Variants in ZNF469 observed in about 807,000 individuals in gnomAD.
The protein encoded by ZNF469 is zinc finger protein 469.
ZNF469 carries 1 observed loss-of-function variant against 1.0 expected under a neutral mutation model. That is an observed-to-expected ratio of 1.00 (90% CI 0.35 to 4.73). The LOEUF (loss-of-function observed/expected upper bound fraction) is 4.73. Among genes scored for constraint, ZNF469 ranks in the 30% most tolerant of loss-of-function variants. The probability of loss-of-function intolerance (pLI) is 0.16; values close to 1 mark genes in which losing one functional copy is unlikely to be tolerated. For synonymous variants in ZNF469, 2,703 were observed against 2,363.4 expected (o/e 1.14, Z -4.17); for missense variants, 6,100 against 5,356.3 (o/e 1.14, Z -4.33).
the ZNF469 span, among the ~76,000 whole-genome samples, chr16:88,228,887 CG>C: frequency 6.6e-6 from 1 of 152,226 alleles, no homozygotes; most frequent in Non-Finnish European, 1.5e-5. Flanking sequence ...TCTGGGTGGA[CG>C]GGGTCTGGTG....
the ZNF469 span, among the ~76,000 whole-genome samples, chr16:88,131,463 GCTTTCCCTTCC>G: frequency 8.8e-6 from 1 of 113,702 alleles, no homozygotes; most frequent in Admixed American, 9.0e-5. Context: ...GAACCTCTCG[GCTTTCCCTTCC>G]CGTGGCCTGT....
chr16:88,200,151 G>C, the ZNF469 span, among the ~76,000 whole-genome samples: 1 of 152,146 alleles, frequency 6.6e-6, no homozygotes, highest in Non-Finnish European at 1.5e-5. Context: ...AGTGGGGTGT[G>C]TGTCAGCAGC....
the ZNF469 span, among the ~76,000 whole-genome samples, chr16:88,150,829 C>T: frequency 1.2e-4 from 18 of 152,038 alleles, no homozygotes; most frequent in Non-Finnish European, 2.2e-4. Context: ...GCCGTAGAAG[C>T]GCCGTGGGGT....
the ZNF469 span, among the ~76,000 whole-genome samples, chr16:88,217,561 A>G: frequency 1.4e-5 from 2 of 140,860 alleles, no homozygotes; most frequent in Non-Finnish European, 3.1e-5. Context: ...ATCTAGCATT[A>G]GGTATATCTC....
chr16:88,275,440 G>T, the ZNF469 span, among the ~76,000 whole-genome samples: 2 of 152,206 alleles, frequency 1.3e-5, no homozygotes, highest in African/African-American at 4.8e-5. Flanking sequence ...CGGGTGCTGA[G>T]GAAGGCACCA....
At chr16:88,367,100 G>A in the ZNF469 span, among the ~76,000 whole-genome samples, 78,627 of 151,958 alleles carry the variant, frequency 0.52, 22,353 homozygotes, top group Non-Finnish European at 0.65. Context: ...CCCTTTTTGC[G>A]TCCCCTCAGT....
chr16:88,282,188 C>T, the ZNF469 span, among the ~76,000 whole-genome samples: 2 of 152,290 alleles, frequency 1.3e-5, no homozygotes, highest in South Asian at 2.1e-4. Flanking sequence ...GCAGGAAACA[C>T]CTTCAGCCAG....
At chr16:88,255,115 G>A in the ZNF469 span, among the ~76,000 whole-genome samples, 164 of 152,296 alleles carry the variant, frequency 1.1e-3, 1 homozygote, top group Non-Finnish European at 2.1e-3. Context: ...CCGATAGCTG[G>A]GAGAAATAAA....
At chr16:88,189,062 TA>T in the ZNF469 span, among the ~76,000 whole-genome samples, 4 of 152,058 alleles carry the variant, frequency 2.6e-5, no homozygotes, top group Non-Finnish European at 4.4e-5. The surrounding 1 kb of genome is among the most constrained non-coding windows in gnomAD (Gnocchi z 4.3). Flanking sequence ...GATGTCTCAC[TA>T]AAAACACTGA....
At chr16:88,130,458 A>T in the ZNF469 span, among the ~76,000 whole-genome samples, 6 of 152,072 alleles carry the variant, frequency 3.9e-5, no homozygotes, top group African/African-American at 1.4e-4. Context: ...CAGGTTACAA[A>T]GGGAGTGGAG....
At chr16:88,404,186 C>G (rs943131417) in intron 1 of ZNF469, among the ~76,000 whole-genome samples, 7 of 152,248 alleles carry the variant, frequency 4.6e-5, no homozygotes, top group Admixed American at 1.3e-4. Flanking sequence ...CCCACACCCC[C>G]GGCACCTGGC....
At chr16:88,165,591 C>G in the ZNF469 span, among the ~76,000 whole-genome samples, 323 of 152,324 alleles carry the variant, frequency 2.1e-3, 1 homozygote, top group African/African-American at 7.3e-3. Context: ...AGGGCTTCAG[C>G]ACGCTAACTT....
intron 1 of ZNF469, among the ~76,000 whole-genome samples, chr16:88,385,908 G>A (rs570976001): frequency 1.1e-3 from 167 of 152,312 alleles, no homozygotes; most frequent in Admixed American, 7.1e-3. Context: ...TACTTGGTAG[G>A]TACCAGCTGC....
At chr16:88,297,298 G>C in the ZNF469 span, among the ~76,000 whole-genome samples, 1 of 152,188 alleles carries the variant, frequency 6.6e-6, no homozygotes, top group Non-Finnish European at 1.5e-5. Context: ...TGATCAAAGA[G>C]GTTCCGTTGC....
the ZNF469 span, among the ~76,000 whole-genome samples, chr16:88,320,160 A>G: frequency 6.6e-6 from 1 of 152,244 alleles, no homozygotes; most frequent in African/African-American, 2.4e-5. Context: ...GAAGTTAAAC[A>G]GGCTGAGTGC....
At chr16:88,223,599 A>G in the ZNF469 span, among the ~76,000 whole-genome samples, 1 of 152,134 alleles carries the variant, frequency 6.6e-6, no homozygotes, top group Non-Finnish European at 1.5e-5. Flanking sequence ...CTGAGGAAGG[A>G]TGCGTGCTTG....
intron 1 of ZNF469, among the ~76,000 whole-genome samples, chr16:88,394,322 T>G (rs934149817): frequency 6.9e-5 from 10 of 145,656 alleles, no homozygotes; most frequent in Non-Finnish European, 1.4e-4. Flanking sequence ...CCGAGAGGGG[T>G]GGAGTTTGAG....
the ZNF469 span, among the ~76,000 whole-genome samples, chr16:88,303,954 G>A: frequency 6.6e-6 from 1 of 152,212 alleles, no homozygotes; most frequent in African/African-American, 2.4e-5. Flanking sequence ...AGGTCTGGGG[G>A]CTGCTCCTGC....
intron 1 of ZNF469, among the ~76,000 whole-genome samples, chr16:88,421,324 C>T (rs1365561863): frequency 1.3e-5 from 2 of 152,230 alleles, no homozygotes; most frequent in Non-Finnish European, 2.9e-5. Flanking sequence ...GCTCGTGCTC[C>T]TCCGGGGTCT....
Sources: gnomAD v4.1 joint callset for allele counts (sites outside exome capture counted in the v4.1 genomes callset) on GRCh38, gnomAD v4.1.1 for gene constraint, Gnocchi (gnomAD v3.1) non-coding constraint, MANE v1.5 for transcripts, NCBI Gene and HGNC (gene_info 2026-07-23, HGNC 2026-07-21) for gene names.